INPP5J: variants seen among roughly 807,000 people sequenced by gnomAD.
The protein encoded by INPP5J is inositol polyphosphate-5-phosphatase J, also known as phosphatidylinositol 4,5-bisphosphate 5-phosphatase A.
In INPP5J, 75 loss-of-function variants were observed where a neutral mutation model predicts 86.6. The ratio of observed to expected loss-of-function variants is 0.87; its 90% CI spans 0.72 to 1.05. The LOEUF is 1.05. Ranked by LOEUF, INPP5J falls within the 50% of genes least tolerant of loss-of-function variation. The pLI is 0.00. For missense variants in INPP5J, 1,229 were observed against 1,341.2 expected (o/e 0.92, Z 1.31); for synonymous variants, 540 against 550.0 (o/e 0.98, Z 0.25).
chr22:31,131,614 T>A (rs1277928009), intron 9 of INPP5J, among the ~76,000 whole-genome samples: 1 of 151,970 alleles, frequency 6.6e-6, no homozygotes, highest in East Asian at 1.9e-4. Flanking sequence ...CAGGCCTGTG[T>A]AGTGCACTTT....
At chr22:31,132,608 C>T (rs1036973722) in intron 9 of INPP5J, among the ~76,000 whole-genome samples, 2 of 152,000 alleles carry the variant, frequency 1.3e-5, no homozygotes, top group African/African-American at 2.4e-5. Flanking sequence ...GGCGTGATGG[C>T]GGTACCTGTG....
intron 9 of INPP5J, among the ~76,000 whole-genome samples, chr22:31,131,690 C>G (rs1425890965): frequency 6.6e-6 from 1 of 152,090 alleles, no homozygotes; most frequent in African/African-American, 2.4e-5. Flanking sequence ...CTCTGTTTTA[C>G]TGGTGAGGGA....
upstream of INPP5J, chr22:31,122,862 G>C (rs1164429983): frequency 3.8e-6 from 2 of 523,882 alleles, no homozygotes; most frequent in Non-Finnish European, 6.5e-6. Flanking sequence ...CCAGGGGGTA[G>C]CCACCTTGCT....
chr22:31,126,748 G>T (rs372273924), intron 4 of INPP5J, 27 bp downstream of exon 4: 1 of 1,579,936 alleles, frequency 6.3e-7, no homozygotes, highest in Non-Finnish European at 8.7e-7. Context: ...CCCCTGGACA[G>T]CCAGAGACCC....
chr22:31,128,099 C>T, intron 7 of INPP5J, 37 bp downstream of exon 7: 1 of 1,517,956 alleles, frequency 6.6e-7, no homozygotes, highest in Non-Finnish European at 9.1e-7. Flanking sequence ...CAGAGCATGT[C>T]CCAGGACACG....
chr22:31,133,322 C>T lies in INPP5J; in HGVS notation c.2332-84C>T, dbSNP rs546806550. On this transcript the variant is annotated intron_variant, in intron 10 of 12. Transcript: ENST00000331075. ...CAGCATGGTGGGGTCACTGGCTTGT[C>T]CAGATCTTGATGCCACACTGGGAGA... 2.4e-3 allele frequency: 3,845 copies of T among 1,583,508 alleles called. 6 individuals carry two copies. Among genetic ancestry groups the T allele is most frequent in the Non-Finnish European group, 3.0e-3 (3,513 of 1,166,042 alleles).
At chr22:31,132,978 C>T in intron 9 of INPP5J, 120 bp from the exon 10 acceptor site, 1 of 1,317,674 alleles carries the variant, frequency 7.6e-7, no homozygotes. Context: ...CTCAGTTTCC[C>T]AGTCTGTAAA....
intron 9 of INPP5J, among the ~76,000 whole-genome samples, chr22:31,130,163 G>A (rs561140019): frequency 1.1e-4 from 16 of 151,548 alleles, no homozygotes; most frequent in African/African-American, 3.4e-4. Context: ...CCAACATGGC[G>A]AAACCCATCT....
chr22:31,128,447 T>G, intron 8 of INPP5J, 24 bp from the exon 9 acceptor site: 2 of 1,612,344 alleles, frequency 1.2e-6, no homozygotes, highest in Non-Finnish European at 8.5e-7. Flanking sequence ...CCCCTGAAAC[T>G]TGGGGTACCC....
In INPP5J at chr22:31,133,723, G is replaced by C; in HGVS notation, c.2514+9G>C. The C allele has an allele frequency of 6.2e-7, 1 of 1,604,546 alleles. No homozygotes were observed. The highest frequency in any genetic ancestry group is 8.5e-7 in the Non-Finnish European group (1 of 1,172,628). On this transcript the variant is annotated intron_variant, in intron 12 of 12. Coordinates refer to ENST00000331075, the MANE Select transcript of INPP5J (RefSeq NM_001284285.2). ...TCACTGAACCCTTCCAGGTAAGTAG[G>C]CCAGACTGCTGGGCTGGGGGTGCCT...
chr22:31,128,141 C>T (rs1281140733), intron 7 of INPP5J, 73 bp from the exon 8 acceptor site: 23 of 1,432,348 alleles, frequency 1.6e-5, no homozygotes, highest in South Asian at 2.4e-5. Context: ...CCTGTCCTCA[C>T]CTGCCCCACC....
At chr22:31,133,858 G>A (rs1190412992) in intron 12 of INPP5J, 55 bp from the exon 13 acceptor site, 2 of 1,599,746 alleles carry the variant, frequency 1.3e-6, no homozygotes, top group South Asian at 1.1e-5. Flanking sequence ...GGGAGGTCAG[G>A]CCTCAGTGGC....
At position 31,125,570 on chromosome 22, in the gene INPP5J, CT is replaced by C. The variant is rs1569284823; in HGVS notation, c.832del (p.Ser278ProfsTer107). 2 of 1,550,568 alleles carry C rather than the reference CT, an allele frequency of 1.3e-6. No individual in the cohort carries two copies. Among genetic ancestry groups the C allele is most frequent in the East Asian group, 4.9e-5 (2 of 40,900 alleles). On this transcript the variant is annotated frameshift_variant, in exon 2 of 13. Transcript: ENST00000331075. LOFTEE classifies it high-confidence loss of function. ...TCCAAACCTCCCCAGACCCTCGGCT[CT>C]CCCCCTCCTTCCGAGCCCGGCCTGA... ...CIQTSPDPRL[S>X]PSFRARPEAL...
chr22:31,129,169 A>G (rs965100959), intron 9 of INPP5J, among the ~76,000 whole-genome samples: 1 of 140,392 alleles, frequency 7.1e-6, no homozygotes, highest in Non-Finnish European at 1.5e-5. Context: ...TGACCTCCTG[A>G]TCCACCCACC....
chr22:31,125,794 CA>C lies in INPP5J; in HGVS notation c.1057del (p.Ser353AlafsTer32). 1 of 1,574,668 alleles carries C rather than the reference CA, an allele frequency of 6.4e-7. No homozygotes were observed. The stretch of plus-strand genomic sequence containing the variant: ...CCACCCCGATCACCCAGCCGTTCCC[CA>C]AGCCACTCCCCGAATCGCTCTCCCT... ...PKPPRSPSRSPSHSPNRSPCV... is the reference protein window; with the variant it reads ...PKPPRSPSRSXSHSPNRSPCV... On this transcript the variant is annotated frameshift_variant, in exon 2 of 13. Coordinates refer to ENST00000331075, the MANE Select transcript of INPP5J (RefSeq NM_001284285.2). LOFTEE classifies it high-confidence loss of function.
At position 31,125,232 on chromosome 22, in the gene INPP5J, G is replaced by T. The variant is rs1437868704; in HGVS notation, c.493G>T (p.Asp165Tyr). ...LGPNLAPTSR[D>Y]QKQEPPASVG... The stretch of plus-strand genomic sequence containing the variant: ...GCCCAATCTGGCCCCAACCTCCAGA[G>T]ACCAGAAGCAGGAGCCACCTGCCTC... Residue 165 changes from aspartate (D) to tyrosine (Y), a missense_variant, in exon 2 of 13, where the codon GAC becomes TAC. By Grantham distance (160) the Asp-to-Tyr change is radical. Transcript: ENST00000331075. The T allele has an allele frequency of 1.3e-6, 2 of 1,550,310 alleles. No individual in the cohort carries two copies. Among genetic ancestry groups the T allele is most frequent in the Non-Finnish European group, 1.7e-6 (2 of 1,146,954 alleles).
intron 9 of INPP5J, among the ~76,000 whole-genome samples, chr22:31,131,886 G>A (rs949971123): frequency 2.6e-5 from 4 of 152,292 alleles, no homozygotes; most frequent in East Asian, 1.9e-4. Flanking sequence ...AGATTGGCTC[G>A]GAAGCTGAGG....
At chr22:31,124,746 C>T in intron 1 of INPP5J, 99 bp from the exon 2 acceptor site, 1 of 1,002,284 alleles carries the variant, frequency 1.0e-6, no homozygotes, top group South Asian at 1.7e-5. Context: ...GAAAGATGTG[C>T]CTTTCTTAGC....
intron 1 of INPP5J, chr22:31,124,376 C>T (rs1921145297): frequency 1.2e-5 from 10 of 848,278 alleles, no homozygotes; most frequent in South Asian, 5.2e-5. Context: ...CAAGCTGCAC[C>T]TGTAGGTCTG....
Sources: allele counts gnomAD v4.1 joint callset (sites outside exome capture counted in the v4.1 genomes callset), GRCh38; gene constraint gnomAD v4.1.1; transcripts MANE v1.5; gene names NCBI Gene and HGNC (gene_info 2026-07-23, HGNC 2026-07-21).